FHIT: variants seen among roughly 807,000 people sequenced by gnomAD.
FHIT encodes bis(5'-adenosyl)-triphosphatase.
Under a neutral mutation model 17.9 loss-of-function variants are expected in FHIT, and 19 were observed. The observed-to-expected ratio is 1.06, with a 90% CI of 0.74 to 1.56. The LOEUF (loss-of-function observed/expected upper bound fraction) is 1.56. Ranked by LOEUF, FHIT falls within the 40% of genes most tolerant of loss-of-function variation. The pLI is 0.00. For synonymous variants in FHIT, 81 were observed against 69.7 expected, an observed-to-expected ratio of 1.16 and a Z score of -0.81; for missense variants, 248 against 189.2, an observed-to-expected ratio of 1.31 and a Z score of -1.82.
At chr3:60,145,295 A>G (rs887356486) in intron 5 of FHIT, among the ~76,000 whole-genome samples, 4 of 152,204 alleles carry the variant, frequency 2.6e-5, no homozygotes, top group African/African-American at 9.6e-5. Flanking sequence ...TCAAAGAGAT[A>G]ACAGATTCTG....
At chr3:61,194,752 T>C (rs989161271) in intron 2 of FHIT, among the ~76,000 whole-genome samples, 1 of 152,216 alleles carries the variant, frequency 6.6e-6, no homozygotes, top group Non-Finnish European at 1.5e-5. Context: ...ACATGGTATG[T>C]AAAGTGAAAA....
At chr3:59,990,732 A>G (rs1162496680) in intron 7 of FHIT, among the ~76,000 whole-genome samples, 1 of 152,042 alleles carries the variant, frequency 6.6e-6, no homozygotes, top group African/African-American at 2.4e-5. Flanking sequence ...CCACTTGGGG[A>G]AAAACAATGA....
chr3:60,479,163 T>G lies in FHIT; in HGVS notation c.103+57697A>C, dbSNP rs566802525. 6.6e-5 allele frequency among the ~76,000 whole-genome samples: 10 copies of G among 152,308 alleles called. No homozygotes were observed. The South Asian group carries it at 2.1e-3, about 32-fold the overall frequency. On this transcript the variant is annotated intron_variant, in intron 5 of 9. Coordinates refer to ENST00000492590, the MANE Select transcript of FHIT (RefSeq NM_002012.4). ...CTGCAAGTATGATCACATTATTGATTCTCAAAGGAAGAAAGAAAATATGAC... is the reference window on the plus strand; with the variant it reads ...CTGCAAGTATGATCACATTATTGATGCTCAAAGGAAGAAAGAAAATATGAC...
chr3:60,346,512 C>A (rs895600326), intron 5 of FHIT, among the ~76,000 whole-genome samples: 2 of 152,190 alleles, frequency 1.3e-5, no homozygotes, highest in African/African-American at 4.8e-5. Context: ...CTCTTCAGCT[C>A]ATCTGTGTGG....
chr3:60,940,450 A>G (rs1708363569), intron 3 of FHIT, among the ~76,000 whole-genome samples: 3 of 152,320 alleles, frequency 2.0e-5, no homozygotes, highest in Admixed American at 2.0e-4. Flanking sequence ...CAAAATAAGA[A>G]CTAGTGGATA....
chr3:60,131,328 A>G (rs1699589139), intron 5 of FHIT, among the ~76,000 whole-genome samples: 1 of 150,974 alleles, frequency 6.6e-6, no homozygotes, highest in Admixed American at 6.6e-5. Context: ...TTATTGTTGT[A>G]TTACTTTTTA....
intron 5 of FHIT, among the ~76,000 whole-genome samples, chr3:60,500,771 TAAAAAA>T (rs71092606): frequency 5.2e-4 from 34 of 64,860 alleles, no homozygotes; most frequent in African/African-American, 1.6e-3. Context: ...AGCATCCATC[TAAAAAA>T]AAAAAAAAAA....
chr3:60,953,639 T>A (rs1460637748), intron 3 of FHIT, among the ~76,000 whole-genome samples: 1 of 152,088 alleles, frequency 6.6e-6, no homozygotes, highest in African/African-American at 2.4e-5. Flanking sequence ...AATGCCAACA[T>A]CCCTTCCCAT....
intron 5 of FHIT, among the ~76,000 whole-genome samples, chr3:60,129,671 T>A (rs2107258205): frequency 6.6e-6 from 1 of 152,318 alleles, no homozygotes; most frequent in Non-Finnish European, 1.5e-5. Context: ...CTTTGCTTCA[T>A]TCATCCTGCT....
intron 5 of FHIT, among the ~76,000 whole-genome samples, chr3:60,165,126 G>T (rs929955835): frequency 1.3e-5 from 2 of 152,194 alleles, no homozygotes; most frequent in African/African-American, 4.8e-5. Context: ...TGATGAGGAT[G>T]ATGACAAACA....
intron 4 of FHIT, among the ~76,000 whole-genome samples, chr3:60,786,358 A>C (rs1449964192): frequency 1.3e-5 from 2 of 152,218 alleles, no homozygotes; most frequent in African/African-American, 4.8e-5. Context: ...ATCTTGCTTT[A>C]GTTGATATCT....
At chr3:60,200,354 A>G (rs1217808390) in intron 5 of FHIT, among the ~76,000 whole-genome samples, 1 of 152,100 alleles carries the variant, frequency 6.6e-6, no homozygotes. Flanking sequence ...ATTCTGCTCT[A>G]CCATGTTGGA....
intron 8 of FHIT, among the ~76,000 whole-genome samples, chr3:59,869,513 G>T (rs764875985): frequency 4.1e-5 from 2 of 49,206 alleles, no homozygotes; most frequent in Non-Finnish European, 7.4e-5. Context: ...ACAGAGTCTC[G>T]CTCTGTCGCC....
intron 2 of FHIT, among the ~76,000 whole-genome samples, chr3:61,084,547 T>A (rs1321013443): frequency 6.6e-6 from 1 of 152,212 alleles, no homozygotes; most frequent in South Asian, 2.1e-4. Flanking sequence ...TCATCTTTAA[T>A]TTCTTTCAGT....
chr3:59,826,665 A>C (rs1700990176), intron 8 of FHIT, among the ~76,000 whole-genome samples: 1 of 152,274 alleles, frequency 6.6e-6, no homozygotes, highest in African/African-American at 2.4e-5. Flanking sequence ...CGCGAGTCTC[A>C]TACACGGGAG....
At chr3:60,584,017 C>T (rs2037828363) in intron 4 of FHIT, among the ~76,000 whole-genome samples, 1 of 152,066 alleles carries the variant, frequency 6.6e-6, no homozygotes, top group South Asian at 2.1e-4. Context: ...TTCCCAAAGG[C>T]ATTCTCCAGA....
intron 3 of FHIT, among the ~76,000 whole-genome samples, chr3:60,919,562 C>G (rs1292912203): frequency 1.3e-5 from 2 of 151,908 alleles, no homozygotes; most frequent in East Asian, 3.9e-4. Context: ...AAGGCGGGAG[C>G]CTACTTATAG....
intron 3 of FHIT, among the ~76,000 whole-genome samples, chr3:60,926,415 C>T (rs1707616581): frequency 1.3e-5 from 2 of 152,198 alleles, no homozygotes; most frequent in Non-Finnish European, 2.9e-5. Flanking sequence ...CTCGAAACCA[C>T]ACAACTACAT....
chr3:60,005,005 A>G (rs1013418746), intron 7 of FHIT, among the ~76,000 whole-genome samples: 1 of 152,152 alleles, frequency 6.6e-6, no homozygotes, highest in Non-Finnish European at 1.5e-5. Context: ...GGGAGCTCAG[A>G]AAGGTTAACT....
Sources: gnomAD v4.1 joint callset for allele counts (sites outside exome capture counted in the v4.1 genomes callset) on GRCh38, gnomAD v4.1.1 for gene constraint, MANE v1.5 for transcripts, NCBI Gene and HGNC (gene_info 2026-07-23, HGNC 2026-07-21) for gene names.